LY75: variants seen among roughly 807,000 people sequenced by gnomAD.
LY75 encodes the protein lymphocyte antigen 75.
A neutral mutation model predicts 231.7 loss-of-function variants in LY75; 185 were observed. The ratio of observed to expected loss-of-function variants is 0.80; its 90% CI spans 0.71 to 0.90. The LOEUF is 0.90. Ranked by LOEUF, LY75 falls within the 40% of genes least tolerant of loss-of-function variation. LY75 has a pLI of 0.00. For missense variants in LY75, 1,947 were observed against 2,050.2 expected, an observed-to-expected ratio of 0.95 and a Z score of 0.97; for synonymous variants, 668 against 689.0, an observed-to-expected ratio of 0.97 and a Z score of 0.48.
intron 23 of LY75, among the ~76,000 whole-genome samples, chr2:159,844,930 C>T (rs1416407298): frequency 2.0e-5 from 3 of 152,006 alleles, no homozygotes; most frequent in African/African-American, 7.3e-5. Flanking sequence ...CCCTCCCTCC[C>T]TCTCCCCTGT....
intron 1 of LY75, chr2:159,903,458 A>G (rs1686139764): frequency 6.6e-6 from 1 of 152,220 alleles, no homozygotes; most frequent in Non-Finnish European, 1.5e-5. Context: ...CCTAGCACAC[A>G]GGGTCAAAGG....
intron 23 of LY75, among the ~76,000 whole-genome samples, chr2:159,844,298 T>C (rs1213963072): frequency 1.4e-5 from 2 of 138,202 alleles, no homozygotes; most frequent in African/African-American, 5.5e-5. Flanking sequence ...TACTAATATA[T>C]ACCACGTACA....
In LY75 at chr2:159,850,789, T is replaced by TATATATATATATATATATAAAA. The variant is rs796940571; in HGVS notation, c.2884-323_2884-322insTTTTATATATATATATATATAT. On this transcript the variant is annotated intron_variant, in intron 21 of 34. Transcript: ENST00000263636. Reference sequence around the variant, plus strand: ...TCAAACTTTCATATATATATATATATATATATATATTATATCTTATATATA... The same window carrying TATATATATATATATATATAAAA: ...TCAAACTTTCATATATATATATATATATATATATATATATATATAAAAATATATATATTATATCTTATATATA... Among the ~76,000 whole-genome samples the TATATATATATATATATATAAAA allele has an allele frequency of 5.8e-3, 517 of 88,642 alleles. 17 individuals are homozygous for TATATATATATATATATATAAAA. Among genetic ancestry groups the TATATATATATATATATATAAAA allele is most frequent in the East Asian group, 0.047 (195 of 4,146 alleles). 58.2% of individuals were successfully genotyped at this position (88,642 alleles called of 152,430 possible). A position where few individuals can be genotyped will look rare whatever the true frequency, so the allele number is the denominator to read the frequency against.
In LY75 at chr2:159,834,177, A is replaced by C. The variant is rs1245298274; in HGVS notation, c.3708T>G (p.Ser1236Arg). 5.6e-6 allele frequency: 9 copies of C among 1,613,892 alleles called. No individual in the cohort carries two copies. The highest frequency in any genetic ancestry group is 3.3e-5 in the Admixed American group (2 of 59,998). ...ETEKEVKPVD[S>R]VKCPSPVLNT... ...TTAGAACAGGAGATGGACATTTAAC[A>C]CTGTCAACTGGTTTGACCTCTTTTT... is the stretch of plus-strand genomic sequence containing the variant. Residue 1236 changes from serine (S) to arginine (R), a missense_variant, in exon 27 of 35, where the codon AGT becomes AGG. Ser to Arg is a moderately radical substitution (Grantham distance 110). Coordinates refer to ENST00000263636, the MANE Select transcript of LY75 (RefSeq NM_002349.4).
intron 25 of LY75, among the ~76,000 whole-genome samples, chr2:159,840,280 A>G (rs1683977279): frequency 6.6e-6 from 1 of 152,134 alleles, no homozygotes. Context: ...TCTAAAAACC[A>G]CATATTGCTG....
chr2:159,822,981 A>C (rs1683345287), intron 28 of LY75, among the ~76,000 whole-genome samples: 1 of 152,230 alleles, frequency 6.6e-6, no homozygotes, highest in Non-Finnish European at 1.5e-5. Context: ...AAATCCACAA[A>C]GATGGGGAGA....
chr2:159,860,967 T>G, intron 14 of LY75, 78 bp from the exon 15 acceptor site: 1 of 1,535,072 alleles, frequency 6.5e-7, no homozygotes. Context: ...TAGGCAGCCT[T>G]AATCACTCAA....
At chr2:159,817,130 CT>C (rs1683144169) in intron 29 of LY75, 98 bp from the exon 30 acceptor site, 1 of 1,302,504 alleles carries the variant, frequency 7.7e-7, no homozygotes, top group Admixed American at 3.0e-5. Context: ...TTAAATAAAA[CT>C]GGGTTTCTTA....
intron 15 of LY75, among the ~76,000 whole-genome samples, chr2:159,858,970 C>CTTCTTAGACTA (rs1371117622): frequency 1.3e-5 from 2 of 152,224 alleles, no homozygotes; most frequent in Non-Finnish European, 2.9e-5. Context: ...ACATCCATCA[C>CTTCTTAGACTA]TTCTTAGACT....
chr2:159,885,504 T>A (rs1382063149), intron 5 of LY75, among the ~76,000 whole-genome samples: 1 of 152,212 alleles, frequency 6.6e-6, no homozygotes, highest in African/African-American at 2.4e-5. Context: ...AGGGAAAACA[T>A]CATGATATGT....
intron 11 of LY75, 71 bp from the exon 12 acceptor site, chr2:159,875,714 TCTTTA>T: frequency 1.3e-6 from 2 of 1,564,662 alleles, no homozygotes; most frequent in Non-Finnish European, 1.7e-6. Flanking sequence ...GTGTTTCTAC[TCTTTA>T]CTTCAGCCAA....
chr2:159,857,380 C>G (rs1684578105), intron 16 of LY75, among the ~76,000 whole-genome samples: 1 of 152,142 alleles, frequency 6.6e-6, no homozygotes, highest in Non-Finnish European at 1.5e-5. Flanking sequence ...ACATTCAGTT[C>G]AGAGATTTCT....
intron 2 of LY75, 53 bp downstream of exon 2, chr2:159,898,635 C>A: frequency 6.4e-7 from 1 of 1,564,460 alleles, no homozygotes; most frequent in South Asian, 1.2e-5. Context: ...TGTTTAATGC[C>A]ACATGTGACA....
At chr2:159,810,299 T>G (rs1476637173) in intron 32 of LY75, among the ~76,000 whole-genome samples, 3 of 152,242 alleles carry the variant, frequency 2.0e-5, no homozygotes, top group African/African-American at 4.8e-5. Context: ...CCCAAAGTGC[T>G]GGGATTACAG....
At chr2:159,875,015 A>C (rs1339854372) in intron 12 of LY75, among the ~76,000 whole-genome samples, 2 of 143,568 alleles carry the variant, frequency 1.4e-5, no homozygotes, top group Non-Finnish European at 3.0e-5. Context: ...TGTATATATA[A>C]ATATATATAT....
chr2:159,836,597 T>A (rs1325369971), intron 25 of LY75, among the ~76,000 whole-genome samples: 4 of 152,192 alleles, frequency 2.6e-5, no homozygotes, highest in African/African-American at 9.7e-5. Flanking sequence ...CAAGACAATC[T>A]GCATCACTAG....
chr2:159,812,517 T>G (rs1574519897), intron 31 of LY75, among the ~76,000 whole-genome samples: 2 of 152,260 alleles, frequency 1.3e-5, no homozygotes, highest in African/African-American at 2.4e-5. Flanking sequence ...GTGCAATAGA[T>G]CCTCCTGCCT....
At chr2:159,820,631 G>T (rs993806362) in intron 28 of LY75, among the ~76,000 whole-genome samples, 45 of 152,154 alleles carry the variant, frequency 3.0e-4, no homozygotes, top group African/African-American at 1.1e-3. Context: ...CAACACTAAA[G>T]AACTTATCTA....
chr2:159,866,428 C>T (rs1039454777), intron 13 of LY75, among the ~76,000 whole-genome samples: 41 of 152,114 alleles, frequency 2.7e-4, no homozygotes, highest in African/African-American at 9.4e-4. Context: ...TGAGGACTGT[C>T]CTGTTTTGGT....
Sources: gnomAD v4.1 joint callset for allele counts (sites outside exome capture counted in the v4.1 genomes callset) on GRCh38, gnomAD v4.1.1 for gene constraint, MANE v1.5 for transcripts, NCBI Gene and HGNC (gene_info 2026-07-23, HGNC 2026-07-21) for gene names.